The following STX4 variants were observed in gnomAD, a reference collection of about 807,000 sequenced individuals.
STX4 encodes the protein syntaxin-4.
In STX4, 24 loss-of-function variants were observed where a neutral mutation model predicts 41.8. The observed-to-expected ratio is 0.57, with a 90% confidence interval of 0.42 to 0.81. The LOEUF is 0.81. Ranked by LOEUF, STX4 falls within the 30% of genes least tolerant of loss-of-function variation. STX4 has a pLI of 0.00. For missense variants in STX4, 316 were observed against 389.9 expected, an observed-to-expected ratio of 0.81 and a Z score of 1.60; for synonymous variants, 158 against 156.4, an observed-to-expected ratio of 1.01 and a Z score of -0.08.
intron 7 of STX4, 44 bp from the exon 8 acceptor site, chr16:31,038,466 C>T (rs772416695): frequency 1.7e-5 from 27 of 1,606,466 alleles, no homozygotes; most frequent in Admixed American, 3.3e-5. Context: ...GACCTGCTGT[C>T]GGTCTCCCTG....
chr16:31,034,233 C>T lies in STX4; in HGVS notation c.140C>T (p.Thr47Ile). ...PDEEFFHKVR[T>I]IRQTIVKLGN... is the part of the protein sequence containing the mutation. ...CTCGGTCACCCTCCCCAGGTCCGGA[C>T]AATTCGGCAGACTATTGTCAAACTG... The change falls in exon 3 of 11, where the codon ACA (threonine) becomes ATA (isoleucine). Residue 47 changes from threonine (T) to isoleucine (I), a missense_variant. Coordinates refer to ENST00000313843, the MANE Select transcript of STX4 (RefSeq NM_004604.5). 1 of 1,614,148 alleles carries T rather than the reference C, an allele frequency of 6.2e-7. No individual in the cohort carries two copies. Among genetic ancestry groups the T allele is most frequent in the Non-Finnish European group, 8.5e-7 (1 of 1,180,022 alleles).
chr16:31,034,892 G>A, intron 4 of STX4, 78 bp from the exon 5 acceptor site: 1 of 1,294,736 alleles, frequency 7.7e-7, no homozygotes, highest in Non-Finnish European at 1.1e-6. Context: ...CTCAGCCTTA[G>A]TCATTTTATG....
intron 8 of STX4, 90 bp downstream of exon 8, chr16:31,038,737 T>G (rs2056822560): frequency 6.5e-7 from 1 of 1,527,426 alleles, no homozygotes; most frequent in Admixed American, 1.9e-5. Context: ...CCTGAGGCTT[T>G]TGTGTCTTCC....
rs2056820242 is a variant in STX4 at position 31,038,501 on chromosome 16, A to AC, written c.565-3dup. On this transcript the variant is annotated splice_polypyrimidine_tract_variant and intron_variant, in intron 7 of 10. Transcript: ENST00000313843. ...GTGAACAGTTGCCCCACTCCTGTCC[A>AC]CCCCCCAGATCCTGAAGGACACGCA... 1.2e-6 allele frequency: 2 copies of AC among 1,613,058 alleles called. No homozygotes were observed. Among genetic ancestry groups the AC allele is most frequent in the Non-Finnish European group, 1.7e-6 (2 of 1,179,724 alleles).
At chr16:31,038,299 G>C in intron 7 of STX4, 109 bp downstream of exon 7, 1 of 1,452,558 alleles carries the variant, frequency 6.9e-7, no homozygotes. Context: ...AGCCTCCCGA[G>C]TAGCTGGGAC....
In STX4 at chr16:31,038,211, CCT is replaced by C. The variant is rs747755603; in HGVS notation, c.564+26_564+27del. On this transcript the variant is annotated intron_variant, in intron 7 of 10. Transcript: ENST00000313843. Reference sequence around the variant, plus strand: ...CCAATGTGAGTGGCCACAGCCAGCCCCTCTCTGCTGTGCCTCCCATCCCCTCT... The same window carrying C: ...CCAATGTGAGTGGCCACAGCCAGCCCCTCTGCTGTGCCTCCCATCCCCTCT... 29 of 1,613,070 alleles carry C rather than the reference CCT, an allele frequency of 1.8e-5. No individual in the cohort carries two copies. In the African/African-American group the frequency reaches 3.1e-4, roughly 17 times the overall value.
At chr16:31,038,258 ACCT>A (rs750666317) in intron 7 of STX4, 68 bp downstream of exon 7, 1 of 1,586,416 alleles carries the variant, frequency 6.3e-7, no homozygotes, top group Non-Finnish European at 8.6e-7. Context: ...CCGTTTCTCG[ACCT>A]CCTGGGCTCA....
intron 5 of STX4, among the ~76,000 whole-genome samples, chr16:31,036,095 A>G (rs1007167477): frequency 6.6e-6 from 1 of 151,940 alleles, no homozygotes; most frequent in Non-Finnish European, 1.5e-5. Flanking sequence ...GTGATATCTT[A>G]GTAAGGAGAT....
intron 5 of STX4, among the ~76,000 whole-genome samples, chr16:31,036,713 T>C (rs766867153): frequency 6.6e-5 from 10 of 152,034 alleles, no homozygotes; most frequent in Non-Finnish European, 8.8e-5. Context: ...AGAGTTGCAG[T>C]TGAAAGCAGG....
chr16:31,034,079 C>T lies in STX4; in HGVS notation c.97C>T (p.Arg33Trp). ...VALVVHPGTA[R>W]LGSPDEEFFH... ...GCTGGTGGTGCACCCGGGCACGGCA[C>T]GGCTGGGGAGCCCGGACGAGGAGTT... Residue 33 changes from arginine (R) to tryptophan (W), a missense_variant, in exon 2 of 11, where the codon CGG (arginine) becomes TGG (tryptophan). Coordinates refer to ENST00000313843, the MANE Select transcript of STX4 (RefSeq NM_004604.5). 1.2e-6 allele frequency: 2 copies of T among 1,610,050 alleles called. No individual in the cohort carries two copies. Among genetic ancestry groups the T allele is most frequent in the African/African-American group, 1.3e-5 (1 of 74,930 alleles).
chr16:31,038,047 T>A lies in STX4; in HGVS notation c.487+13T>A. 1 of 1,614,208 alleles carries A rather than the reference T, an allele frequency of 6.2e-7. No homozygotes were observed. Among genetic ancestry groups the A allele is most frequent in the Non-Finnish European group, 8.5e-7 (1 of 1,180,014 alleles). On this transcript the variant is annotated intron_variant, in intron 6 of 10. Transcript: ENST00000313843. Reference sequence around the variant, plus strand: ...CAGCTGAAGATCAGTGAGTTGTGCATGCCCAGCCTGGCCCGCAGGGGCAGG... The same window carrying A: ...CAGCTGAAGATCAGTGAGTTGTGCAAGCCCAGCCTGGCCCGCAGGGGCAGG...
intron 5 of STX4, among the ~76,000 whole-genome samples, chr16:31,035,438 G>A (rs1315073338): frequency 6.6e-6 from 1 of 152,088 alleles, no homozygotes; most frequent in Admixed American, 6.6e-5. Flanking sequence ...TGTTGGCCAG[G>A]CTGGTTTCGA....
Position 31,040,101 on chromosome 16 carries a change from G to A in STX4, c.*205G>A. 2.0e-6 allele frequency: 1 copy of A among 490,552 alleles called. No individual in the cohort carries two copies. 30.4% of individuals were successfully genotyped at this position (490,552 alleles called of 1,614,324 possible). On this transcript the variant is annotated 3_prime_UTR_variant, in exon 11 of 11. Coordinates refer to ENST00000313843, the MANE Select transcript of STX4 (RefSeq NM_004604.5). ...AGGCCTCAATGCCTGGGGGAGGCCT[G>A]CACTGTCCTGATTGGCCGGGACACA...
At chr16:31,036,372 T>C (rs2056799660) in intron 5 of STX4, among the ~76,000 whole-genome samples, 4 of 152,052 alleles carry the variant, frequency 2.6e-5, no homozygotes, top group Admixed American at 2.6e-4. Flanking sequence ...AAGCCTGTGG[T>C]GGTGATTGGC....
At chr16:31,038,260 C>G in intron 7 of STX4, 70 bp downstream of exon 7, 1 of 1,581,816 alleles carries the variant, frequency 6.3e-7, no homozygotes, top group Non-Finnish European at 8.6e-7. Context: ...GTTTCTCGAC[C>G]TCCTGGGCTC....
In STX4 at chr16:31,034,021, C is replaced by A; in HGVS notation, c.39C>A (p.Asp13Glu). 1 of 1,598,944 alleles carries A rather than the reference C, an allele frequency of 6.3e-7. No homozygotes were observed. The highest frequency in any genetic ancestry group is 8.5e-7 in the Non-Finnish European group (1 of 1,170,614). The change falls in exon 2 of 11, where the codon GAC becomes GAA. Residue 13 changes from aspartate to glutamate, a missense_variant. Transcript: ENST00000313843. ...GACTCCGGGCCTGGCAGGGGGATGA[C>A]AGCTCGGACGAAGAGGACAAGGAGC... ...DRTHELRQGD[D>E]SSDEEDKERV...
chr16:31,039,635 A>G lies in STX4; in HGVS notation c.797A>G (p.Gln266Arg). 6.2e-7 allele frequency: 1 copy of G among 1,614,142 alleles called. No individual in the cohort carries two copies. The highest frequency in any genetic ancestry group is 8.5e-7 in the Non-Finnish European group (1 of 1,179,972). ...CACGTCAAGACGGCCCTGGAGAACC[A>G]GAAGAAGGCGAGGAAGGTGAGCCTC... Reference protein sequence around the residue: ...QEHVKTALENQKKARKKKVLI... With the variant: ...QEHVKTALENRKKARKKKVLI... The change falls in exon 9 of 11, where the codon CAG becomes CGG. Residue 266 changes from glutamine to arginine, a missense_variant. Coordinates refer to ENST00000313843, the MANE Select transcript of STX4 (RefSeq NM_004604.5). This position sits in a 1 kb window ranked among gnomAD's most constrained non-coding sequence, Gnocchi z 4.1.
chr16:31,034,205 C>A (rs751459573), intron 2 of STX4, 21 bp from the exon 3 acceptor site: 66 of 1,613,926 alleles, frequency 4.1e-5, no homozygotes, highest in Non-Finnish European at 5.2e-5. Context: ...CTCTTTCAGC[C>A]CTCTCGGTCA....
upstream of STX4, chr16:31,033,439 G>T: frequency 1.3e-6 from 2 of 1,526,964 alleles, no homozygotes; most frequent in Non-Finnish European, 1.8e-6. The surrounding 1 kb of genome is among the most constrained non-coding windows in gnomAD (Gnocchi z 5.5). Flanking sequence ...AAGTTCTCGC[G>T]TCCAGGCATC....
Sources: gnomAD v4.1 joint callset for allele counts (sites outside exome capture counted in the v4.1 genomes callset) on GRCh38, gnomAD v4.1.1 for gene constraint, Gnocchi (gnomAD v3.1) non-coding constraint, MANE v1.5 for transcripts, NCBI Gene and HGNC (gene_info 2026-07-23, HGNC 2026-07-21) for gene names.